The following FSTL5 variants were observed in gnomAD, a reference collection of about 807,000 sequenced individuals.
FSTL5 encodes the protein follistatin-related protein 5.
Under a neutral mutation model 89.1 loss-of-function variants are expected in FSTL5, and 62 were observed. That is an observed-to-expected ratio of 0.70 (90% confidence interval 0.57 to 0.86). The LOEUF is 0.86. FSTL5 is among the 40% of genes least tolerant of loss of function. The pLI is 0.00. For synonymous variants in FSTL5, 383 were observed against 346.2 expected (o/e 1.11, Z -1.18); for missense variants, 1,057 against 1,001.6 (o/e 1.06, Z -0.75).
At chr4:162,055,534 GATA>G (rs1412904708) in intron 2 of FSTL5, among the ~76,000 whole-genome samples, 5 of 139,730 alleles carry the variant, frequency 3.6e-5, no homozygotes, top group Non-Finnish European at 6.4e-5. Flanking sequence ...ATGATAGATA[GATA>G]GATAGATAGA....
At chr4:161,742,885 G>A (rs1267883692) in intron 6 of FSTL5, among the ~76,000 whole-genome samples, 1 of 152,018 alleles carries the variant, frequency 6.6e-6, no homozygotes, top group East Asian at 1.9e-4. Flanking sequence ...ATATATTGAT[G>A]TATCTTTAAA....
chr4:161,603,789 A>T (rs2126627922), intron 7 of FSTL5, among the ~76,000 whole-genome samples: 1 of 152,290 alleles, frequency 6.6e-6, no homozygotes, highest in Non-Finnish European at 1.5e-5. Flanking sequence ...AAAGGTGTCA[A>T]CGTACCTGAA....
At chr4:162,015,049 T>C (rs1466225394) in intron 3 of FSTL5, among the ~76,000 whole-genome samples, 1 of 152,148 alleles carries the variant, frequency 6.6e-6, no homozygotes, top group Non-Finnish European at 1.5e-5. Flanking sequence ...GAAGCATCAA[T>C]GGCTGGATAA....
In FSTL5 at chr4:161,700,342, T is replaced by A. The variant is rs116815438; in HGVS notation, c.728-43848A>T. On this transcript the variant is annotated intron_variant, in intron 6 of 15. Transcript: ENST00000306100. ...CCTGAGTTTGTGCTCATCATCACTA[T>A]GCTATAATTCCTCTCTTCCCATAAA... Among the ~76,000 whole-genome samples, 1,085 of 152,290 alleles carry A rather than the reference T, an allele frequency of 7.1e-3. 13 individuals carry two copies. The highest frequency in any genetic ancestry group is 0.025 in the African/African-American group (1,023 of 41,568).
intron 4 of FSTL5, among the ~76,000 whole-genome samples, chr4:161,784,472 G>A (rs1225970654): frequency 6.6e-6 from 1 of 152,058 alleles, no homozygotes; most frequent in Non-Finnish European, 1.5e-5. Context: ...AAAGATGCAT[G>A]TGATTCTATT....
chr4:161,656,379 G>A lies in FSTL5; in HGVS notation c.843C>T (p.Ile281=). Reference sequence around the variant, plus strand: ...TTAGAATAATATTGTTCCTTTTCCAGATAATGGGAGGTCTCAGGGTTCCTT... The same window carrying A: ...TTAGAATAATATTGTTCCTTTTCCAAATAATGGGAGGTCTCAGGGTTCCTT... The part of the protein sequence containing the change: ...AIQGTLRPPI[I]WKRNNIILNN... Residue 281 remains isoleucine (I), a synonymous_variant, in exon 7 of 16, where the codon ATC becomes ATT. Transcript: ENST00000306100. 4 of 1,605,180 alleles carry A rather than the reference G, an allele frequency of 2.5e-6. No individual in the cohort carries two copies. Among genetic ancestry groups the A allele is most frequent in the Non-Finnish European group, 3.4e-6 (4 of 1,172,940 alleles).
intron 2 of FSTL5, among the ~76,000 whole-genome samples, chr4:162,045,014 A>T (rs992785108): frequency 6.6e-6 from 1 of 152,152 alleles, no homozygotes; most frequent in African/African-American, 2.4e-5. Context: ...CTCATTATTC[A>T]TACATTCACT....
chr4:161,999,807 C>T (rs1043502851), intron 3 of FSTL5, among the ~76,000 whole-genome samples: 1 of 152,076 alleles, frequency 6.6e-6, no homozygotes, highest in Non-Finnish European at 1.5e-5. Flanking sequence ...ATGCACACTC[C>T]CCGCCATGCT....
chr4:161,697,258 T>G (rs1478732062), intron 6 of FSTL5, among the ~76,000 whole-genome samples: 3 of 151,936 alleles, frequency 2.0e-5, no homozygotes, highest in African/African-American at 7.3e-5. Context: ...TTTACCAGAC[T>G]TTTTTTGTCA....
chr4:161,818,617 A>G (rs1730400642), intron 4 of FSTL5, among the ~76,000 whole-genome samples: 1 of 152,180 alleles, frequency 6.6e-6, no homozygotes, highest in African/African-American at 2.4e-5. Context: ...GGCATTGTAG[A>G]AGTGAGCCAC....
At chr4:161,694,842 C>CT (rs34276732) in intron 6 of FSTL5, among the ~76,000 whole-genome samples, 81,577 of 106,128 alleles carry the variant, frequency 0.77, 32,258 homozygotes, top group Non-Finnish European at 0.84. Flanking sequence ...TTCTAAATGC[C>CT]TTTTTTTTTT....
intron 6 of FSTL5, among the ~76,000 whole-genome samples, chr4:161,683,227 A>G (rs1210473616): frequency 6.6e-6 from 1 of 151,662 alleles, no homozygotes; most frequent in African/African-American, 2.4e-5. Context: ...TGTCACCACA[A>G]ACACATGAGT....
chr4:161,957,193 A>G (rs1186129091), intron 3 of FSTL5, among the ~76,000 whole-genome samples: 1 of 152,030 alleles, frequency 6.6e-6, no homozygotes, highest in East Asian at 1.9e-4. Flanking sequence ...GGTTAGATAG[A>G]GTGATTTTTT....
chr4:161,547,259 G>T (rs2126551384), intron 8 of FSTL5, among the ~76,000 whole-genome samples: 1 of 152,118 alleles, frequency 6.6e-6, no homozygotes, highest in Admixed American at 6.6e-5. Flanking sequence ...TCTCAGAAAA[G>T]AGATTGTGCC....
intron 15 of FSTL5, among the ~76,000 whole-genome samples, chr4:161,443,084 C>T (rs1308784195): frequency 6.6e-6 from 1 of 151,962 alleles, no homozygotes; most frequent in East Asian, 1.9e-4. Flanking sequence ...AGCTATTCAG[C>T]TCTAGATTGC....
At chr4:161,391,541 G>A (rs1730822522) in intron 15 of FSTL5, among the ~76,000 whole-genome samples, 1 of 152,056 alleles carries the variant, frequency 6.6e-6, no homozygotes, top group Non-Finnish European at 1.5e-5. Flanking sequence ...ATTCATTTAT[G>A]AATAAATGAA....
At chr4:162,095,085 A>C (rs1730698499) in intron 2 of FSTL5, among the ~76,000 whole-genome samples, 1 of 152,100 alleles carries the variant, frequency 6.6e-6, no homozygotes, top group African/African-American at 2.4e-5. Context: ...ATATTCTCTT[A>C]CTAGAAAAAA....
intron 10 of FSTL5, among the ~76,000 whole-genome samples, chr4:161,532,503 A>G (rs1211485923): frequency 6.6e-6 from 1 of 152,182 alleles, no homozygotes; most frequent in Middle Eastern, 3.2e-3. Context: ...ACAATCCCTG[A>G]AATTATTTTT....
intron 2 of FSTL5, among the ~76,000 whole-genome samples, chr4:162,086,238 T>G (rs1730311484): frequency 6.6e-6 from 1 of 151,994 alleles, no homozygotes; most frequent in African/African-American, 2.4e-5. Flanking sequence ...CTGAATGTCT[T>G]TATTTATGTA....
Sources: gnomAD v4.1 joint callset for allele counts (sites outside exome capture counted in the v4.1 genomes callset) on GRCh38, gnomAD v4.1.1 for gene constraint, MANE v1.5 for transcripts, NCBI Gene and HGNC (gene_info 2026-07-23, HGNC 2026-07-21) for gene names.